ATP8A2: variants seen among roughly 807,000 people sequenced by gnomAD.
ATP8A2 encodes phospholipid-transporting ATPase IB.
Under a neutral mutation model 165.6 loss-of-function variants are expected in ATP8A2, and 100 were observed. The observed-to-expected ratio is 0.60, with a 90% CI of 0.51 to 0.71. The LOEUF (loss-of-function observed/expected upper bound fraction) is 0.71, where lower values mean the gene tolerates loss of function less well. Among genes scored for constraint, ATP8A2 ranks in the 30% least tolerant of loss-of-function variants. The pLI, the probability that ATP8A2 is intolerant of heterozygous loss-of-function variation, is 0.00. For synonymous variants in ATP8A2, 543 were observed against 548.8 expected, an observed-to-expected ratio of 0.99 and a Z score of 0.15; for missense variants, 1,227 against 1,479.5, an observed-to-expected ratio of 0.83 and a Z score of 2.80.
chr13:25,586,045 C>G (rs561944298), intron 23 of ATP8A2, among the ~76,000 whole-genome samples: 69 of 152,224 alleles, frequency 4.5e-4, no homozygotes, highest in Admixed American at 1.3e-3. Context: ...TATTATGTGC[C>G]CGATACTGCA....
chr13:25,384,537 G>A (rs1405075916), intron 1 of ATP8A2, among the ~76,000 whole-genome samples: 2 of 152,008 alleles, frequency 1.3e-5, no homozygotes, highest in Non-Finnish European at 2.9e-5. Context: ...TCTTGTCTTT[G>A]TCTTCGTGTT....
chr13:25,691,541 G>A (rs1566051876), intron 24 of ATP8A2, among the ~76,000 whole-genome samples: 1 of 152,212 alleles, frequency 6.6e-6, no homozygotes, highest in Non-Finnish European at 1.5e-5. Context: ...GGGTAAGTGG[G>A]AAAAGATAAC....
chr13:25,636,091 G>GTCCCA (rs2041360899), intron 24 of ATP8A2, among the ~76,000 whole-genome samples: 1 of 152,140 alleles, frequency 6.6e-6, no homozygotes, highest in Admixed American at 6.5e-5. Flanking sequence ...CCACAGTGAA[G>GTCCCA]GCCGTGGGAG....
chr13:25,790,480 G>C (rs2045139698), intron 27 of ATP8A2, among the ~76,000 whole-genome samples: 1 of 151,178 alleles, frequency 6.6e-6, no homozygotes, highest in Admixed American at 6.6e-5. Context: ...GAGCCCAGGA[G>C]TTTGAGACCA....
chr13:25,429,833 C>T (rs12431229), intron 1 of ATP8A2, among the ~76,000 whole-genome samples: 20,371 of 152,086 alleles, frequency 0.13, 1,798 homozygotes, highest in East Asian at 0.3. Context: ...GGCTTGGAGC[C>T]AGGGGTAAGA....
intron 35 of ATP8A2, among the ~76,000 whole-genome samples, chr13:25,982,824 A>T (rs1173911958): frequency 6.6e-6 from 1 of 152,244 alleles, no homozygotes; most frequent in African/African-American, 2.4e-5. Flanking sequence ...AAATTTCTTT[A>T]TATGGATCTT....
chr13:25,607,679 G>A (rs573938290), intron 24 of ATP8A2, among the ~76,000 whole-genome samples: 1 of 152,114 alleles, frequency 6.6e-6, no homozygotes, highest in Non-Finnish European at 1.5e-5. Context: ...GCCAGCTGTA[G>A]CTATATTTCT....
chr13:25,565,787 G>T (rs1003120823), intron 16 of ATP8A2, among the ~76,000 whole-genome samples: 3 of 151,210 alleles, frequency 2.0e-5, no homozygotes, highest in Non-Finnish European at 4.4e-5. Flanking sequence ...TATTGCATTT[G>T]CTTTTGGGTT....
intron 1 of ATP8A2, among the ~76,000 whole-genome samples, chr13:25,384,025 C>T (rs752966809): frequency 7.9e-5 from 12 of 152,160 alleles, no homozygotes; most frequent in Non-Finnish European, 1.6e-4. Flanking sequence ...GAGTGGCCAT[C>T]TGTCTTATTT....
chr13:25,519,352 G>A (rs769899485), intron 2 of ATP8A2, among the ~76,000 whole-genome samples: 2 of 151,822 alleles, frequency 1.3e-5, no homozygotes, highest in Non-Finnish European at 2.9e-5. Context: ...TATTCATCAC[G>A]ATCTATGCTG....
intron 33 of ATP8A2, among the ~76,000 whole-genome samples, chr13:25,921,675 G>A (rs184914992): frequency 1.8e-4 from 28 of 151,716 alleles, no homozygotes; most frequent in African/African-American, 3.4e-4. Context: ...TTTGTTCTAC[G>A]TGTAATTTAT....
At chr13:25,698,558 T>G (rs2042884226) in intron 24 of ATP8A2, among the ~76,000 whole-genome samples, 1 of 151,986 alleles carries the variant, frequency 6.6e-6, no homozygotes, top group East Asian at 1.9e-4. Flanking sequence ...ATCTAAAAAA[T>G]GTTATTGTGC....
At chr13:25,877,794 T>C (rs750124215) in intron 33 of ATP8A2, among the ~76,000 whole-genome samples, 7 of 152,224 alleles carry the variant, frequency 4.6e-5, no homozygotes, top group African/African-American at 7.2e-5. Flanking sequence ...AAAGCCATTG[T>C]ATAAGCCCCC....
At chr13:25,627,325 A>G (rs974298845) in intron 24 of ATP8A2, among the ~76,000 whole-genome samples, 2 of 152,140 alleles carry the variant, frequency 1.3e-5, no homozygotes, top group African/African-American at 4.8e-5. Flanking sequence ...TAGAACATGG[A>G]AGGAAGCAGG....
intron 2 of ATP8A2, among the ~76,000 whole-genome samples, chr13:25,510,508 A>G (rs1188210219): frequency 1.3e-5 from 2 of 152,074 alleles, no homozygotes; most frequent in Non-Finnish European, 2.9e-5. Flanking sequence ...TAGGGTAAAG[A>G]CTCCTGTGCT....
intron 27 of ATP8A2, among the ~76,000 whole-genome samples, chr13:25,814,020 G>A (rs1950945230): frequency 6.6e-6 from 1 of 151,974 alleles, no homozygotes; most frequent in Non-Finnish European, 1.5e-5. Flanking sequence ...CCCCTCTGCA[G>A]ATCTTGGGAC....
intron 21 of ATP8A2, 38 bp downstream of exon 21, chr13:25,578,937 A>C (rs557534438): frequency 5.3e-6 from 7 of 1,321,790 alleles, no homozygotes; most frequent in South Asian, 2.3e-5. Context: ...TGGCCATTGG[A>C]GCTGTACTTT....
At chr13:25,657,833 T>C (rs1306583279) in intron 24 of ATP8A2, among the ~76,000 whole-genome samples, 1 of 152,226 alleles carries the variant, frequency 6.6e-6, no homozygotes, top group African/African-American at 2.4e-5. Flanking sequence ...ATTTTCTCTT[T>C]AAAATGAGCA....
chr13:25,412,177 G>A (rs937467155), intron 1 of ATP8A2, among the ~76,000 whole-genome samples: 5 of 152,146 alleles, frequency 3.3e-5, no homozygotes, highest in African/African-American at 1.2e-4. Context: ...GCTGGGTCGA[G>A]CTGCTTGGAT....
Sources: gnomAD v4.1 joint callset for allele counts (sites outside exome capture counted in the v4.1 genomes callset) on GRCh38, gnomAD v4.1.1 for gene constraint, MANE v1.5 for transcripts, NCBI Gene and HGNC (gene_info 2026-07-23, HGNC 2026-07-21) for gene names.